The following TMEM14C variants were observed in gnomAD, a reference collection of about 807,000 sequenced individuals.
The protein encoded by TMEM14C is chromosome 6 open reading frame 53.
Under a neutral mutation model 14.8 loss-of-function variants are expected in TMEM14C, and 13 were observed. The observed-to-expected ratio is 0.88, with a 90% CI of 0.57 to 1.40. TMEM14C has a LOEUF of 1.40. Among genes scored for constraint, TMEM14C ranks in the 40% most tolerant of loss-of-function variants. TMEM14C has a pLI of 0.00. For synonymous variants in TMEM14C, 57 were observed against 51.3 expected (o/e 1.11, Z -0.48); for missense variants, 142 against 138.8 (o/e 1.02, Z -0.12).
chr6:10,724,743 T>C lies in TMEM14C; in HGVS notation c.20+110T>C. On this transcript the variant is annotated intron_variant, in intron 2 of 5. Coordinates refer to ENST00000229563, the MANE Select transcript of TMEM14C (RefSeq NM_016462.4). ...AGACTGCCTGGGATGGCATGGGGGA[T>C]GGGAGGATCACTGGACCTGTGGGCC... The C allele has an allele frequency of 2.2e-6, 3 of 1,352,722 alleles. No homozygotes were observed. The South Asian group carries it at 3.7e-5, about 17-fold the overall frequency. The allele number at this position is 1,352,722 out of a possible 1,614,324, so 83.8% of individuals were successfully genotyped here.
At chr6:10,730,576 C>T (rs974992597) in intron 5 of TMEM14C, 39 bp from the exon 6 acceptor site, 45 of 1,604,798 alleles carry the variant, frequency 2.8e-5, no homozygotes, top group Non-Finnish European at 3.7e-5. Flanking sequence ...CCTGTTCTGT[C>T]CTTTACCTGA....
Position 10,724,610 on chromosome 6 carries a change from A to G in TMEM14C, c.-4A>G. The G allele has an allele frequency of 1.2e-6, 2 of 1,612,968 alleles. No individual in the cohort carries two copies. Among genetic ancestry groups the G allele is most frequent in the Non-Finnish European group, 1.7e-6 (2 of 1,179,422 alleles). On this transcript the variant is annotated 5_prime_UTR_variant, in exon 2 of 6. Transcript: ENST00000229563. ...AGTCTCCTGTCTGGACAGAGAAGAG[A>G]AAAATGCAGGACACTGGCTCAGTGT...
At chr6:10,726,206 T>TA (rs1157707575) in intron 4 of TMEM14C, among the ~76,000 whole-genome samples, 198 bp downstream of exon 4, 1 of 152,180 alleles carries the variant, frequency 6.6e-6, no homozygotes, top group Non-Finnish European at 1.5e-5. Flanking sequence ...ATCTTTTACA[T>TA]ACAGAACATG....
intron 2 of TMEM14C, 112 bp from the exon 3 acceptor site, chr6:10,724,849 A>T: frequency 7.1e-7 from 1 of 1,408,964 alleles, no homozygotes; most frequent in Non-Finnish European, 1.0e-6. Context: ...TGTGGTCCTT[A>T]TTTTCAGTGA....
chr6:10,726,608 T>G (rs1341639195), intron 4 of TMEM14C, among the ~76,000 whole-genome samples: 1 of 152,228 alleles, frequency 6.6e-6, no homozygotes, highest in Admixed American at 6.5e-5. Flanking sequence ...GAGAATCACT[T>G]GAACCTGGGA....
At chr6:10,723,594 C>CT (rs34904534) in intron 1 of TMEM14C, among the ~76,000 whole-genome samples, 9,104 of 118,604 alleles carry the variant, frequency 0.077, 1,322 homozygotes, top group African/African-American at 0.26. Context: ...AAACTTAATT[C>CT]TTTTTTTTTT....
intron 5 of TMEM14C, among the ~76,000 whole-genome samples, chr6:10,729,603 C>T (rs753770197): frequency 2.0e-5 from 3 of 151,900 alleles, no homozygotes; most frequent in Non-Finnish European, 4.4e-5. Flanking sequence ...ATTGCGAAAC[C>T]CCGTCTCTAT....
In TMEM14C at chr6:10,725,044, T is replaced by C. The variant is rs1272552141; in HGVS notation, c.97+7T>C. 1.2e-6 allele frequency: 2 copies of C among 1,613,900 alleles called. No individual in the cohort carries two copies. The highest frequency in any genetic ancestry group is 3.3e-5 in the Admixed American group (2 of 59,996). On this transcript the variant is annotated splice_region_variant and intron_variant, in intron 3 of 5. Coordinates refer to ENST00000229563, the MANE Select transcript of TMEM14C (RefSeq NM_016462.4). ...ATTGGCTATGTAAAAGCAGGTAGGG[T>C]TTTGTTGTTACTTAGCCTCTTAACA...
At chr6:10,725,114 A>G (rs1271145639) in intron 3 of TMEM14C, 77 bp downstream of exon 3, 1 of 1,567,318 alleles carries the variant, frequency 6.4e-7, no homozygotes, top group East Asian at 2.2e-5. Flanking sequence ...TGTCCCTGAG[A>G]AGCAATCTCA....
At position 10,731,057 on chromosome 6, in the gene TMEM14C, C is replaced by A. The variant is rs1191467941; in HGVS notation, c.*391C>A. 1 of 988,544 alleles carries A rather than the reference C, an allele frequency of 1.0e-6. No individual in the cohort carries two copies. Among genetic ancestry groups the A allele is most frequent in the Non-Finnish European group, 1.2e-6 (1 of 832,098 alleles). 61.2% of individuals were successfully genotyped at this position (988,544 alleles called of 1,614,324 possible). ...TTACAATATCTGTTCTTTTGCTCAT[C>A]TTAGACCACAGACTGACTTTGAAAT... On this transcript the variant is annotated 3_prime_UTR_variant, in exon 6 of 6. Transcript: ENST00000229563.
rs577902563 is a variant in TMEM14C, at chr6:10,723,197, G to A, written c.-89G>A. 1 of 152,348 alleles carries A rather than the reference G, an allele frequency of 6.6e-6. No homozygotes were observed. The highest frequency in any genetic ancestry group is 2.4e-5 in the African/African-American group (1 of 41,484). The allele number at this position is 152,348 out of a possible 1,614,324, so 9.4% of individuals were successfully genotyped here. On this transcript the variant is annotated 5_prime_UTR_variant, in exon 1 of 6. Coordinates refer to ENST00000229563, the MANE Select transcript of TMEM14C (RefSeq NM_016462.4). ...CCGGCGACACCTCGCAGTCATTCCTGCGGCTTGCGCGCCCTTGTAGACAGC... is the reference window on the plus strand; with the variant it reads ...CCGGCGACACCTCGCAGTCATTCCTACGGCTTGCGCGCCCTTGTAGACAGC...
intron 5 of TMEM14C, among the ~76,000 whole-genome samples, chr6:10,729,570 G>A (rs1420344118): frequency 5.9e-5 from 9 of 151,822 alleles, no homozygotes; most frequent in African/African-American, 2.2e-4. Flanking sequence ...TGATGTCAGG[G>A]GTTCAAGACC....
intron 3 of TMEM14C, among the ~76,000 whole-genome samples, chr6:10,725,446 C>T (rs1386755747): frequency 1.3e-5 from 2 of 152,250 alleles, no homozygotes; most frequent in South Asian, 4.1e-4. Flanking sequence ...TTGTGTTTGC[C>T]CCCTAGTCCT....
At chr6:10,724,274 T>G in intron 1 of TMEM14C, 1 of 263,592 alleles carries the variant, frequency 3.8e-6, no homozygotes. Flanking sequence ...CATTCCCTGA[T>G]TTTAGAGCTG....
rs778919573 is a variant in TMEM14C at position 10,724,565 on chromosome 6, T to C, written c.-44-5T>C. On this transcript the variant is annotated splice_region_variant and splice_polypyrimidine_tract_variant and intron_variant, in intron 1 of 5. Transcript: ENST00000229563. ...ACTACCTCTGATCCAGCTTGTTTTCTGCAGGTGCAGGCCTGGGGTAGTCTC... is the reference window on the plus strand; with the variant it reads ...ACTACCTCTGATCCAGCTTGTTTTCCGCAGGTGCAGGCCTGGGGTAGTCTC... 2.5e-6 allele frequency: 4 copies of C among 1,607,988 alleles called. No homozygotes were observed. The highest frequency in any genetic ancestry group is 1.3e-5 in the African/African-American group (1 of 74,956).
At position 10,727,252 on chromosome 6, in the gene TMEM14C, A is replaced by G. The variant is rs141213129; in HGVS notation, c.199+1244A>G. ...TCCCTGATCTTCTCCAGACCTTTAC[A>G]CTGGCCAGGATCCTGTCTTGTATTT... On this transcript the variant is annotated intron_variant, in intron 4 of 5. Coordinates refer to ENST00000229563, the MANE Select transcript of TMEM14C (RefSeq NM_016462.4). Among the ~76,000 whole-genome samples, 506 of 151,782 alleles carry G rather than the reference A, an allele frequency of 3.3e-3. 6 individuals are homozygous for G. The highest frequency in any genetic ancestry group is 0.012 in the African/African-American group (491 of 41,386).
intron 3 of TMEM14C, among the ~76,000 whole-genome samples, chr6:10,725,380 ACTGG>A (rs1770827153): frequency 6.6e-6 from 1 of 152,132 alleles, no homozygotes; most frequent in Admixed American, 6.5e-5. Context: ...GCCTACACAG[ACTGG>A]TATTTTGAAC....
rs1457483094 is a variant in TMEM14C, at chr6:10,730,649, T to C, written c.322T>C (p.Phe108Leu). The C allele has an allele frequency of 6.2e-7, 1 of 1,612,102 alleles. No homozygotes were observed. Among genetic ancestry groups the C allele is most frequent in the Non-Finnish European group, 8.5e-7 (1 of 1,178,720 alleles). The change falls in exon 6 of 6, where the codon TTC (phenylalanine) becomes CTC (leucine). Residue 108 changes from phenylalanine (F) to leucine (L), a missense_variant. Phe to Leu is a conservative substitution (Grantham distance 22, BLOSUM62 0). Coordinates refer to ENST00000229563, the MANE Select transcript of TMEM14C (RefSeq NM_016462.4). ...GGTCGCCAAAGTTGGAGTTAGTATG[T>C]TCAACAGACCCCATTAGCAGAAGTC... ...LMVAKVGVSM[F>L]NRPH
At chr6:10,729,670 G>C (rs995087601) in intron 5 of TMEM14C, among the ~76,000 whole-genome samples, 1 of 152,034 alleles carries the variant, frequency 6.6e-6, no homozygotes, top group Non-Finnish European at 1.5e-5. Flanking sequence ...CCAGCTACTC[G>C]GAAGGCTGGG....
Sources: allele counts gnomAD v4.1 joint callset (sites outside exome capture counted in the v4.1 genomes callset), GRCh38; gene constraint gnomAD v4.1.1; transcripts MANE v1.5; gene names NCBI Gene and HGNC (gene_info 2026-07-23, HGNC 2026-07-21).